ARAP3: variants seen among roughly 807,000 people sequenced by gnomAD.
ARAP3 encodes the protein arf-GAP with Rho-GAP domain, ANK repeat and PH domain-containing protein 3.
Under a neutral mutation model 169.2 loss-of-function variants are expected in ARAP3, and 82 were observed. The ratio of observed to expected loss-of-function variants is 0.48; its 90% CI spans 0.41 to 0.58. ARAP3 has a LOEUF of 0.58. ARAP3 is among the 20% of genes least tolerant of loss of function. ARAP3 has a pLI of 0.00. For missense variants in ARAP3, 1,764 were observed against 2,018.0 expected (o/e 0.87, Z 2.41); for synonymous variants, 791 against 800.3 (o/e 0.99, Z 0.20).
intron 4 of ARAP3, among the ~76,000 whole-genome samples, chr5:141,674,836 G>C (rs1457481979): frequency 1.3e-5 from 2 of 152,164 alleles, no homozygotes; most frequent in Non-Finnish European, 2.9e-5. Flanking sequence ...TCACCAGGGT[G>C]ATGCAAATTC....
chr5:141,661,556 G>T, intron 21 of ARAP3, 128 bp downstream of exon 21: 2 of 962,690 alleles, frequency 2.1e-6, no homozygotes, highest in Non-Finnish European at 3.2e-6. Flanking sequence ...GAACCTTAGT[G>T]CTATGATACC....
chr5:141,670,808 G>T (rs950716817), intron 13 of ARAP3, among the ~76,000 whole-genome samples, 180 bp from the exon 14 acceptor site: 2 of 152,160 alleles, frequency 1.3e-5, no homozygotes, highest in African/African-American at 4.8e-5. Flanking sequence ...AGAGGCAGGG[G>T]GTAATGAGAC....
Position 141,671,936 on chromosome 5 carries a change from G to A in ARAP3, c.1630C>T (p.Leu544=). Residue 544 remains leucine, a synonymous_variant, in exon 11 of 33, where the codon CTG becomes TTG. Coordinates refer to ENST00000239440, the MANE Select transcript of ARAP3 (RefSeq NM_022481.6). This position sits in a 1 kb window ranked among gnomAD's most constrained non-coding sequence, Gnocchi z 4.9. The stretch of plus-strand genomic sequence containing the variant: ...CTCCAGACACTCGTGTCCAGCTTCA[G>A]GCTCTGCACCTTGGAGATCCCAGAA... ...LGSGISKVQS[L]KLDTSVWSNE... 2 of 1,614,158 alleles carry A rather than the reference G, an allele frequency of 1.2e-6. No homozygotes were observed. The highest frequency in any genetic ancestry group is 1.1e-5 in the South Asian group (1 of 91,078).
chr5:141,675,967 AC>A (rs2099912127), intron 4 of ARAP3, among the ~76,000 whole-genome samples: 1 of 151,862 alleles, frequency 6.6e-6, no homozygotes, highest in Non-Finnish European at 1.5e-5. Flanking sequence ...CTACACAATC[AC>A]TTAGACATCC....
In ARAP3 at chr5:141,669,020, G is replaced by A. The variant is rs555416254; in HGVS notation, c.2352+689C>T. On this transcript the variant is annotated intron_variant, in intron 16 of 32. Transcript: ENST00000239440. The stretch of plus-strand genomic sequence containing the variant: ...GATGGGAGAGACTGTCGTCATCATC[G>A]TCATCATCACTACCATCATTATTAT... 1.0e-3 allele frequency among the ~76,000 whole-genome samples: 156 copies of A among 152,282 alleles called. 1 individual carries two copies. The highest frequency in any genetic ancestry group is 3.5e-3 in the African/African-American group (146 of 41,544).
At chr5:141,676,330 A>G (rs566308776) in intron 4 of ARAP3, among the ~76,000 whole-genome samples, 1 of 152,370 alleles carries the variant, frequency 6.6e-6, no homozygotes, top group South Asian at 2.1e-4. Flanking sequence ...CTTGGGTGAC[A>G]GAGCAAGACT....
Position 141,672,626 on chromosome 5 carries a change from G to A in ARAP3, c.1311C>T (p.Ile437=), listed in dbSNP as rs371998746. ...AFSLGIGICF[I]ELQGCSVRET... ...CCCGGACGCTGCAGCCCTGCAGTTC[G>A]ATGAAGCAGATCCCGATGCCCAGAG... is the stretch of plus-strand genomic sequence containing the variant. The change falls in exon 9 of 33, where the codon ATC becomes ATT. Residue 437 remains isoleucine (I), a synonymous_variant. Transcript: ENST00000239440. The surrounding 1 kb of genome is among the most constrained non-coding windows in gnomAD (Gnocchi z 4.9). 8.7e-6 allele frequency: 14 copies of A among 1,613,786 alleles called. No individual in the cohort carries two copies. Among genetic ancestry groups the A allele is most frequent in the Admixed American group, 6.7e-5 (4 of 59,978 alleles).
chr5:141,679,631 C>T lies in ARAP3; in HGVS notation c.612G>A (p.Leu204=), dbSNP rs1376031907. 6.2e-7 allele frequency: 1 copy of T among 1,614,120 alleles called. No individual in the cohort carries two copies. The highest frequency in any genetic ancestry group is 1.3e-5 in the African/African-American group (1 of 75,016). Residue 204 remains leucine (L), a synonymous_variant, in exon 4 of 33, where the codon CTG becomes CTA. Transcript: ENST00000239440. ...TCCCCACAGGTTGGACACCATAGTACAGGCAACCAGGATCCATGATGTGCA... is the reference window on the plus strand; with the variant it reads ...TCCCCACAGGTTGGACACCATAGTATAGGCAACCAGGATCCATGATGTGCA... ...GTVHIMDPGC[L]YYGVQPVGTP...
At chr5:141,657,746 A>T (rs1298408442) in intron 25 of ARAP3, among the ~76,000 whole-genome samples, 1 of 151,984 alleles carries the variant, frequency 6.6e-6, no homozygotes, top group African/African-American at 2.4e-5. Context: ...GTCCCAGAGG[A>T]CTCCCAGGTT....
rs762262959 is a variant in ARAP3 at position 141,655,386 on chromosome 5, G to A, written c.4125C>T (p.Asn1375=). The A allele has an allele frequency of 1.9e-6, 3 of 1,585,974 alleles. No homozygotes were observed. The highest frequency in any genetic ancestry group is 1.7e-6 in the Non-Finnish European group (2 of 1,165,694). Residue 1375 remains asparagine, a synonymous_variant, in exon 32 of 33, where the codon AAC becomes AAT. Coordinates refer to ENST00000239440, the MANE Select transcript of ARAP3 (RefSeq NM_022481.6). The part of the protein sequence containing the change: ...SANQTLRRLH[N]RRTLSMFFPM... ...CAAAGAACATGGACAGGGTCCTCCG[G>A]TTGTGTAGTCGCCGCTGGACACAGG... is the stretch of plus-strand genomic sequence containing the variant.
Position 141,672,950 on chromosome 5 carries a change from AG to A in ARAP3, c.1094-26del. The A allele has an allele frequency of 2.5e-6, 4 of 1,611,872 alleles. No individual in the cohort carries two copies. The stretch of plus-strand genomic sequence containing the variant: ...GCTGGTGGGGATGGAGAAGCAGGTC[AG>A]TGGCTGTTGCTCACACAGCCTCCCT... On this transcript the variant is annotated intron_variant, in intron 7 of 32. Coordinates refer to ENST00000239440, the MANE Select transcript of ARAP3 (RefSeq NM_022481.6). The surrounding 1 kb of genome is among the most constrained non-coding windows in gnomAD (Gnocchi z 4.9).
At chr5:141,675,725 A>C (rs1196572167) in intron 4 of ARAP3, among the ~76,000 whole-genome samples, 2 of 151,796 alleles carry the variant, frequency 1.3e-5, no homozygotes, top group African/African-American at 4.8e-5. Flanking sequence ...TCTGTCACAA[A>C]AAAAAAAAAA....
intron 16 of ARAP3, among the ~76,000 whole-genome samples, chr5:141,668,971 G>A (rs907218061): frequency 6.6e-6 from 1 of 152,208 alleles, no homozygotes; most frequent in Non-Finnish European, 1.5e-5. Flanking sequence ...AGATGGAACA[G>A]ATCTTAGGGA....
Position 141,662,013 on chromosome 5 carries a change from G to A in ARAP3, c.3013+30C>T, listed in dbSNP as rs747527093. ...TGGGGGAAGGCAGAGATCCTGGTTG[G>A]GCCTTGGCTCTCAGGGATCTTAGGA... On this transcript the variant is annotated intron_variant, in intron 20 of 32. Transcript: ENST00000239440. The A allele has an allele frequency of 2.5e-6, 4 of 1,612,392 alleles. No individual in the cohort carries two copies. In the South Asian group the frequency reaches 4.4e-5, roughly 18 times the overall value.
chr5:141,669,640 A>G (rs1195351137), intron 16 of ARAP3, 69 bp downstream of exon 16: 4 of 1,419,482 alleles, frequency 2.8e-6, no homozygotes, highest in Non-Finnish European at 4.0e-6. Flanking sequence ...GGAATAAGAG[A>G]GGAGAAGATG....
chr5:141,665,719 A>C (rs1467655955), intron 17 of ARAP3, among the ~76,000 whole-genome samples: 3 of 152,106 alleles, frequency 2.0e-5, no homozygotes, highest in African/African-American at 7.2e-5. Flanking sequence ...CCCAACCAGC[A>C]AGTGATTCCA....
At chr5:141,655,228 A>ATGAG in intron 32 of ARAP3, 134 bp downstream of exon 32, 1 of 445,982 alleles carries the variant, frequency 2.2e-6, no homozygotes. Context: ...GATGGCCTAC[A>ATGAG]CACACACACA....
In ARAP3 at chr5:141,671,925, GTCC is replaced by G; in HGVS notation, c.1638_1640del (p.Asp547del). 1 of 1,614,156 alleles carries G rather than the reference GTCC, an allele frequency of 6.2e-7. No homozygotes were observed. The highest frequency in any genetic ancestry group is 8.5e-7 in the Non-Finnish European group (1 of 1,180,026). ...CTATCTCATTACTCCAGACACTCGTGTCCAGCTTCAGGCTCTGCACCTTGGAGA... is the reference window on the plus strand; with the variant it reads ...CTATCTCATTACTCCAGACACTCGTGAGCTTCAGGCTCTGCACCTTGGAGA... On this transcript the variant is annotated inframe_deletion, in exon 11 of 33. Transcript: ENST00000239440. The surrounding 1 kb of genome is among the most constrained non-coding windows in gnomAD (Gnocchi z 4.9).
intron 25 of ARAP3, among the ~76,000 whole-genome samples, chr5:141,657,738 C>T (rs1381689618): frequency 6.6e-6 from 1 of 152,102 alleles, no homozygotes; most frequent in Non-Finnish European, 1.5e-5. Context: ...AGGGAGGAGT[C>T]CCAGAGGACT....
Sources: gnomAD v4.1 joint callset for allele counts (sites outside exome capture counted in the v4.1 genomes callset) on GRCh38, gnomAD v4.1.1 for gene constraint, Gnocchi (gnomAD v3.1) non-coding constraint, MANE v1.5 for transcripts, NCBI Gene and HGNC (gene_info 2026-07-23, HGNC 2026-07-21) for gene names.